Variants in SLIT1 observed in about 807,000 individuals in gnomAD.
The protein encoded by SLIT1 is slit homolog 1 protein.
SLIT1 carries 66 observed loss-of-function variants against 186.1 expected under a neutral mutation model. The observed-to-expected ratio is 0.35, with a 90% CI of 0.29 to 0.44. The LOEUF is 0.44. Among genes scored for constraint, SLIT1 ranks in the 20% least tolerant of loss-of-function variants. SLIT1 has a pLI of 1.00. For missense variants in SLIT1, 1,638 were observed against 2,037.4 expected (o/e 0.80, Z 3.77); for synonymous variants, 761 against 833.8 (o/e 0.91, Z 1.50).
intron 13 of SLIT1, among the ~76,000 whole-genome samples, chr10:97,049,924 C>T (rs60670419): frequency 2.6e-5 from 4 of 152,124 alleles, no homozygotes; most frequent in Non-Finnish European, 4.4e-5. Flanking sequence ...GGCATGCCCA[C>T]GGGTGGGCTC....
At chr10:97,104,502 G>A (rs1453854654) in intron 4 of SLIT1, among the ~76,000 whole-genome samples, 1 of 152,024 alleles carries the variant, frequency 6.6e-6, no homozygotes, top group African/African-American at 2.4e-5. Context: ...ATACACCTCA[G>A]TTTCTATCCG....
intron 4 of SLIT1, among the ~76,000 whole-genome samples, chr10:97,139,335 AAG>A (rs1208472240): frequency 6.6e-6 from 1 of 152,244 alleles, no homozygotes; most frequent in East Asian, 1.9e-4. Context: ...TTGGAGGAGA[AAG>A]AGGCTCTCAG....
chr10:97,052,003 T>C (rs893481315), intron 13 of SLIT1, among the ~76,000 whole-genome samples: 1 of 151,984 alleles, frequency 6.6e-6, no homozygotes, highest in Non-Finnish European at 1.5e-5. Flanking sequence ...AACAAAGTAC[T>C]GATACATGCT....
intron 4 of SLIT1, among the ~76,000 whole-genome samples, chr10:97,118,987 C>T (rs575738860): frequency 6.6e-6 from 1 of 152,362 alleles, no homozygotes; most frequent in African/African-American, 2.4e-5. Flanking sequence ...GTCTGTTTCA[C>T]TCAGGCATGC....
At chr10:97,111,558 A>G (rs1849465052) in intron 4 of SLIT1, among the ~76,000 whole-genome samples, 1 of 152,244 alleles carries the variant, frequency 6.6e-6, no homozygotes, top group African/African-American at 2.4e-5. Flanking sequence ...GCGTCTTTCC[A>G]TGATGCCAAG....
chr10:97,163,493 C>T, intron 2 of SLIT1, 42 bp from the exon 3 acceptor site: 1 of 1,576,966 alleles, frequency 6.3e-7, no homozygotes, highest in Non-Finnish European at 8.7e-7. Context: ...GGGTGTGGGA[C>T]AAGGGCTGCT....
intron 24 of SLIT1, 149 bp from the exon 25 acceptor site, chr10:97,030,977 G>T (rs1055268814): frequency 1.3e-5 from 9 of 673,722 alleles, no homozygotes; most frequent in Non-Finnish European, 2.1e-5. Context: ...ATGGCCCCTA[G>T]CTCAGCTGGC....
intron 1 of SLIT1, among the ~76,000 whole-genome samples, chr10:97,175,400 G>A (rs1353634133): frequency 6.6e-6 from 1 of 152,022 alleles, no homozygotes; most frequent in African/African-American, 2.4e-5. Context: ...GTTCTTTTGG[G>A]TATTTACTTT....
At chr10:97,124,980 T>G (rs1175251289) in intron 4 of SLIT1, among the ~76,000 whole-genome samples, 1 of 152,218 alleles carries the variant, frequency 6.6e-6, no homozygotes, top group Non-Finnish European at 1.5e-5. Context: ...TAAAATGGGA[T>G]GCTTAACCAC....
intron 4 of SLIT1, among the ~76,000 whole-genome samples, chr10:97,067,336 T>TCTTCCCTCTCAGCAGCCTCC (rs1848957384): frequency 1.3e-5 from 2 of 152,146 alleles, no homozygotes; most frequent in African/African-American, 4.8e-5. Context: ...CACCTGCCTC[T>TCTTCCCTCTCAGCAGCCTCC]CTTCCCTCTC....
chr10:97,136,137 C>T (rs184197228), intron 4 of SLIT1, among the ~76,000 whole-genome samples: 8 of 152,268 alleles, frequency 5.3e-5, no homozygotes, highest in Admixed American at 3.3e-4. Flanking sequence ...ATAGAATGTA[C>T]AGTACCAAGA....
At chr10:97,155,881 C>A (rs1406988838) in intron 4 of SLIT1, among the ~76,000 whole-genome samples, 1 of 152,200 alleles carries the variant, frequency 6.6e-6, no homozygotes, top group East Asian at 1.9e-4. Context: ...GAAAGAACAG[C>A]AGAGAGAAAA....
At chr10:97,036,719 G>T (rs1246016249) in intron 22 of SLIT1, among the ~76,000 whole-genome samples, 2 of 152,220 alleles carry the variant, frequency 1.3e-5, no homozygotes, top group South Asian at 2.1e-4. Context: ...CACTAAGGTG[G>T]AATGTTCTCT....
chr10:97,000,921 C>G lies in SLIT1; in HGVS notation c.*191G>C, dbSNP rs1166198967. The G allele has an allele frequency of 3.4e-6, 2 of 595,660 alleles. No individual in the cohort carries two copies. Among genetic ancestry groups the G allele is most frequent in the Non-Finnish European group, 3.0e-6 (1 of 335,014 alleles). The allele number at this position is 595,660 out of a possible 1,614,324, so 36.9% of individuals were successfully genotyped here. A position where few individuals can be genotyped will look rare whatever the true frequency, so the allele number is the denominator to read the frequency against. ...GCCCGCAGCTCAGGCCTCGCCCACCCCCGCTGCCCCCAGCTATGGCGCAAT... is the reference window on the plus strand; with the variant it reads ...GCCCGCAGCTCAGGCCTCGCCCACCGCCGCTGCCCCCAGCTATGGCGCAAT... On this transcript the variant is annotated 3_prime_UTR_variant, in exon 37 of 37. Transcript: ENST00000266058.
Position 97,163,433 on chromosome 10 carries a change from C to G in SLIT1, c.288G>C (p.Gln96His). The change falls in exon 3 of 37, where the codon CAG becomes CAC. Residue 96 changes from glutamine to histidine, a missense_variant. Physicochemically the swap from Gln to His is conservative, Grantham distance 24. This residue lies in a region of SLIT1 where 1,245 missense variants were observed against 1,535.3 expected (regional missense o/e 0.81). Coordinates refer to ENST00000266058, the MANE Select transcript of SLIT1 (RefSeq NM_003061.3). The stretch of plus-strand genomic sequence containing the variant: ...AAGCACCACGTTCCACTGCTCCAAT[C>G]TGGTTCTCCATCAGCTGCCTGGGGA... ...QLRVLQLMEN[Q>H]IGAVERGAFD... 1 of 1,614,254 alleles carries G rather than the reference C, an allele frequency of 6.2e-7. No homozygotes were observed.
chr10:97,184,832 C>T lies in SLIT1; in HGVS notation c.197+646G>A, dbSNP rs1850389330. ...GGTGCTGAATGTTACATACCCCAAGCCCCATACCCAAAGCCCTCAGGTCCC... is the reference window on the plus strand; with the variant it reads ...GGTGCTGAATGTTACATACCCCAAGTCCCATACCCAAAGCCCTCAGGTCCC... On this transcript the variant is annotated intron_variant, in intron 1 of 36. Transcript: ENST00000266058. The surrounding 1 kb of genome is among the most constrained non-coding windows in gnomAD (Gnocchi z 4.4). 6.6e-6 allele frequency among the ~76,000 whole-genome samples: 1 copy of T among 152,202 alleles called. No homozygotes were observed. Among genetic ancestry groups the T allele is most frequent in the East Asian group, 1.9e-4 (1 of 5,202 alleles).
intron 1 of SLIT1, among the ~76,000 whole-genome samples, chr10:97,178,285 G>A (rs1339529520): frequency 2.6e-5 from 4 of 152,168 alleles, no homozygotes; most frequent in African/African-American, 7.2e-5. Flanking sequence ...CTGACATCAC[G>A]TGCCTTCTGA....
At position 96,998,874 on chromosome 10, in the gene SLIT1, G is replaced by A. The variant is rs1848273555; in HGVS notation, c.*2238C>T. The A allele has an allele frequency of 6.6e-6, 1 of 152,330 alleles. No homozygotes were observed. Among genetic ancestry groups the A allele is most frequent in the African/African-American group, 2.4e-5 (1 of 41,456 alleles). 9.4% of individuals were successfully genotyped at this position (152,330 alleles called of 1,614,324 possible). On this transcript the variant is annotated 3_prime_UTR_variant, in exon 37 of 37. Transcript: ENST00000266058. ...GCCAGGTGAGGGGTGAGCATCACCT[G>A]TCTACAGGTGTCCTTTCCACCTCCT...
intron 4 of SLIT1, among the ~76,000 whole-genome samples, chr10:97,094,417 C>T (rs1849264998): frequency 6.6e-6 from 1 of 152,160 alleles, no homozygotes; most frequent in South Asian, 2.1e-4. Context: ...ACACAGTGAC[C>T]CTGCATAGCT....
Sources: allele counts gnomAD v4.1 joint callset (sites outside exome capture counted in the v4.1 genomes callset), GRCh38; gene constraint gnomAD v4.1.1; regional missense constraint gnomAD v4.1.1; non-coding constraint Gnocchi (gnomAD v3.1); transcripts MANE v1.5; gene names NCBI Gene and HGNC (gene_info 2026-07-23, HGNC 2026-07-21).